CTNNA3: variants seen among roughly 807,000 people sequenced by gnomAD.
CTNNA3 encodes catenin alpha-3.
In CTNNA3, 76 loss-of-function variants were observed where a neutral mutation model predicts 95.7. The observed-to-expected ratio is 0.79, with a 90% CI of 0.66 to 0.96. CTNNA3 has a LOEUF of 0.96. CTNNA3 is among the 40% of genes least tolerant of loss of function. The probability of loss-of-function intolerance (pLI) is 0.00; values close to 1 mark genes in which losing one functional copy is unlikely to be tolerated. For synonymous variants in CTNNA3, 431 were observed against 374.4 expected, an observed-to-expected ratio of 1.15 and a Z score of -1.74; for missense variants, 1,191 against 1,089.8, an observed-to-expected ratio of 1.09 and a Z score of -1.31.
chr10:66,066,291 C>T (rs2080311510), intron 15 of CTNNA3, among the ~76,000 whole-genome samples: 1 of 152,110 alleles, frequency 6.6e-6, no homozygotes, highest in Non-Finnish European at 1.5e-5. Context: ...ATTAAATTAT[C>T]CAAAATCCAA....
At chr10:67,069,973 C>T (rs1362098553) in intron 7 of CTNNA3, among the ~76,000 whole-genome samples, 1 of 152,044 alleles carries the variant, frequency 6.6e-6, no homozygotes, top group Non-Finnish European at 1.5e-5. Flanking sequence ...TGTAGATGCC[C>T]TCAAAATTTT....
At chr10:67,723,673 T>A (rs528203914) in intron 1 of CTNNA3, among the ~76,000 whole-genome samples, 1 of 152,296 alleles carries the variant, frequency 6.6e-6, no homozygotes, top group South Asian at 2.1e-4. Flanking sequence ...ATAAATGCTT[T>A]TTGGTCCACT....
chr10:65,920,473 T>C lies in CTNNA3; in HGVS notation c.2545A>G (p.Arg849Gly). ...GGTTTTTTTGCAGGAGCCTTCATTC[T>C]CCACATCACAACTGGGTGCCGGGGC... ...AGPRHPVVMW[R>G]MKAPAKKPLI... The change falls in exon 18 of 18, where the codon AGA becomes GGA. Residue 849 changes from arginine to glycine, a missense_variant. By Grantham distance (125) the Arg-to-Gly change is moderately radical (BLOSUM62 -2). Coordinates refer to ENST00000433211, the MANE Select transcript of CTNNA3 (RefSeq NM_013266.4). The C allele has an allele frequency of 6.2e-7, 1 of 1,614,178 alleles. No individual in the cohort carries two copies. The highest frequency in any genetic ancestry group is 8.5e-7 in the Non-Finnish European group (1 of 1,180,026).
intron 17 of CTNNA3, among the ~76,000 whole-genome samples, chr10:65,950,332 C>A (rs530939875): frequency 6.6e-6 from 1 of 152,236 alleles, no homozygotes; most frequent in South Asian, 2.1e-4. Flanking sequence ...TTCAGTTCTG[C>A]CTTATACATG....
intron 10 of CTNNA3, among the ~76,000 whole-genome samples, chr10:66,544,965 A>G (rs1841991502): frequency 6.6e-6 from 1 of 152,112 alleles, no homozygotes; most frequent in South Asian, 2.1e-4. Flanking sequence ...GAAATCATGA[A>G]AGATGAGGAC....
chr10:66,860,702 A>G (rs1843883984), intron 7 of CTNNA3, among the ~76,000 whole-genome samples: 1 of 152,170 alleles, frequency 6.6e-6, no homozygotes, highest in South Asian at 2.1e-4. Context: ...ACTGTCTCTA[A>G]TCCTTTCCTG....
chr10:67,642,007 A>T (rs966482646), intron 2 of CTNNA3, among the ~76,000 whole-genome samples: 3 of 152,046 alleles, frequency 2.0e-5, no homozygotes, highest in African/African-American at 7.2e-5. Flanking sequence ...TAAAGCAAAT[A>T]AAAAAACAAT....
At chr10:65,958,839 C>A (rs1174222181) in intron 17 of CTNNA3, among the ~76,000 whole-genome samples, 2 of 152,214 alleles carry the variant, frequency 1.3e-5, no homozygotes, top group Non-Finnish European at 2.9e-5. Context: ...ACTCAGGGTT[C>A]AGAGACCCAC....
intron 7 of CTNNA3, among the ~76,000 whole-genome samples, chr10:66,947,850 A>G (rs922275582): frequency 3.9e-5 from 6 of 152,234 alleles, no homozygotes; most frequent in African/African-American, 1.4e-4. Context: ...CGACAGGAAT[A>G]GGTTCTGAGA....
chr10:66,249,395 G>A (rs1410323692), intron 13 of CTNNA3, among the ~76,000 whole-genome samples: 2 of 152,042 alleles, frequency 1.3e-5, no homozygotes, highest in African/African-American at 2.4e-5. Context: ...TTAATAACCA[G>A]AATATATAAG....
intron 11 of CTNNA3, among the ~76,000 whole-genome samples, chr10:66,453,613 C>G (rs1313827361): frequency 6.6e-6 from 1 of 152,166 alleles, no homozygotes; most frequent in Admixed American, 6.5e-5. Flanking sequence ...TCAGCCTAAT[C>G]GAAGGAACAG....
intron 10 of CTNNA3, among the ~76,000 whole-genome samples, chr10:66,569,640 T>C (rs1355383269): frequency 1.3e-5 from 2 of 152,156 alleles, no homozygotes; most frequent in East Asian, 3.9e-4. Flanking sequence ...GGTGTTAGCA[T>C]CCTGTTGGGT....
intron 12 of CTNNA3, among the ~76,000 whole-genome samples, chr10:66,310,686 C>CTTTT: frequency 7.5e-6 from 1 of 132,608 alleles, no homozygotes; most frequent in Non-Finnish European, 1.6e-5. Context: ...TTATACATAA[C>CTTTT]TTTTTTTTTT....
At chr10:67,147,100 T>C (rs886690474) in intron 7 of CTNNA3, among the ~76,000 whole-genome samples, 10 of 152,210 alleles carry the variant, frequency 6.6e-5, no homozygotes, top group African/African-American at 2.4e-4. Flanking sequence ...AACACATGAC[T>C]ATACATCCAC....
chr10:65,918,472 G>C lies in CTNNA3; in HGVS notation c.*1858C>G, dbSNP rs1048986042. 3.9e-5 allele frequency: 6 copies of C among 152,130 alleles called. No homozygotes were observed. The highest frequency in any genetic ancestry group is 1.2e-4 in the African/African-American group (5 of 41,432). The allele number at this position is 152,130 out of a possible 1,614,324, so 9.4% of individuals were successfully genotyped here. ...GTCACTCGTGCAACATCTACACTTA[G>C]AGCAGAAAATGATGGCAGCATTTCA... On this transcript the variant is annotated 3_prime_UTR_variant, in exon 18 of 18. Coordinates refer to ENST00000433211, the MANE Select transcript of CTNNA3 (RefSeq NM_013266.4).
intron 7 of CTNNA3, among the ~76,000 whole-genome samples, chr10:66,876,222 G>C (rs575041258): frequency 6.6e-6 from 1 of 152,070 alleles, no homozygotes; most frequent in African/African-American, 2.4e-5. Context: ...CTGAAAACTT[G>C]TCGGAAAAGA....
chr10:67,252,325 C>T (rs549959104), intron 5 of CTNNA3, among the ~76,000 whole-genome samples: 1 of 152,066 alleles, frequency 6.6e-6, no homozygotes, highest in East Asian at 1.9e-4. Context: ...GTACAGTCAT[C>T]CCCCTTATCT....
At chr10:67,637,952 C>T (rs1181739098) in intron 2 of CTNNA3, among the ~76,000 whole-genome samples, 10 of 152,168 alleles carry the variant, frequency 6.6e-5, no homozygotes, top group African/African-American at 2.4e-4. Flanking sequence ...GTAACTGCAT[C>T]AACTAATGAG....
intron 17 of CTNNA3, among the ~76,000 whole-genome samples, chr10:65,957,296 A>T (rs1286672736): frequency 1.3e-5 from 2 of 151,976 alleles, no homozygotes; most frequent in African/African-American, 4.8e-5. Flanking sequence ...TGCACGTGAG[A>T]TGGGTCTCCT....
Sources: gnomAD v4.1 joint callset for allele counts (sites outside exome capture counted in the v4.1 genomes callset) on GRCh38, gnomAD v4.1.1 for gene constraint, MANE v1.5 for transcripts, NCBI Gene and HGNC (gene_info 2026-07-23, HGNC 2026-07-21) for gene names.